The following RANBP2 variants were observed in gnomAD, a reference collection of about 807,000 sequenced individuals.
The protein encoded by RANBP2 is RAN binding protein 2.
Under a neutral mutation model 303.6 loss-of-function variants are expected in RANBP2, and 57 were observed. The ratio of observed to expected loss-of-function variants is 0.19; its 90% CI spans 0.15 to 0.23. The LOEUF is 0.23. Among genes scored for constraint, RANBP2 ranks in the 10% least tolerant of loss-of-function variants. The pLI is 1.00. For synonymous variants in RANBP2, 1,167 were observed against 1,301.5 expected (o/e 0.90, Z 2.23); for missense variants, 3,138 against 3,780.8 (o/e 0.83, Z 4.46).
chr2:109,601,976 G>T, the RANBP2 span, among the ~76,000 whole-genome samples: 1 of 152,130 alleles, frequency 6.6e-6, no homozygotes, highest in Admixed American at 6.5e-5. Context: ...GAAAAACCAG[G>T]ACCCATGAAT....
At chr2:109,610,409 C>T in the RANBP2 span, among the ~76,000 whole-genome samples, 3 of 151,906 alleles carry the variant, frequency 2.0e-5, no homozygotes, top group Non-Finnish European at 4.4e-5. Flanking sequence ...TTTTAATATC[C>T]TCTTCTATTA....
chr2:109,699,750 TC>T, the RANBP2 span, among the ~76,000 whole-genome samples: 1 of 152,162 alleles, frequency 6.6e-6, no homozygotes, highest in African/African-American at 2.4e-5. Flanking sequence ...CCCATATTGT[TC>T]AGGGGTCAAC....
the RANBP2 span, among the ~76,000 whole-genome samples, chr2:109,093,680 ATAC>A: frequency 2.6e-5 from 4 of 152,300 alleles, no homozygotes; most frequent in African/African-American, 9.6e-5. Context: ...AAAAACTGAT[ATAC>A]AAGCTATATG....
the RANBP2 span, among the ~76,000 whole-genome samples, chr2:109,550,671 C>T: frequency 2.0e-5 from 3 of 152,298 alleles, no homozygotes; most frequent in South Asian, 4.1e-4. Context: ...GCTGAGCTAG[C>T]AGATGACTTC....
At chr2:109,168,950 T>C in the RANBP2 span, among the ~76,000 whole-genome samples, 1 of 152,210 alleles carries the variant, frequency 6.6e-6, no homozygotes, top group African/African-American at 2.4e-5. Context: ...TCTCGAGGGC[T>C]CAGTACACAT....
chr2:109,733,043 C>T, the RANBP2 span: 1 of 565,838 alleles, frequency 1.8e-6, no homozygotes, highest in African/African-American at 1.9e-5. Context: ...TCGCAGACCT[C>T]CAAGAAGGAG....
At chr2:109,347,096 T>C in the RANBP2 span, among the ~76,000 whole-genome samples, 1 of 152,212 alleles carries the variant, frequency 6.6e-6, no homozygotes, top group Non-Finnish European at 1.5e-5. Flanking sequence ...GCTGCTCAGC[T>C]TCAACCCCTG....
the RANBP2 span, among the ~76,000 whole-genome samples, chr2:109,516,580 G>T: frequency 6.6e-6 from 1 of 152,198 alleles, no homozygotes; most frequent in Admixed American, 6.5e-5. Context: ...AGGGCGTGCT[G>T]GTCCCACTCC....
At chr2:109,105,576 A>G in the RANBP2 span, among the ~76,000 whole-genome samples, 3 of 152,028 alleles carry the variant, frequency 2.0e-5, no homozygotes, top group African/African-American at 4.8e-5. Flanking sequence ...TCTTTTTAAG[A>G]TGAAGTCTTG....
the RANBP2 span, chr2:109,544,986 A>C: frequency 2.0e-6 from 2 of 985,462 alleles, no homozygotes; most frequent in Non-Finnish European, 2.4e-6. Flanking sequence ...AAAATCTGCC[A>C]AAGTCCTGTG....
the RANBP2 span, among the ~76,000 whole-genome samples, chr2:108,842,664 G>A: frequency 6.6e-6 from 1 of 152,180 alleles, no homozygotes; most frequent in East Asian, 1.9e-4. Context: ...GTGGTCATTA[G>A]GGAGGAGTTG....
the RANBP2 span, among the ~76,000 whole-genome samples, chr2:109,447,368 C>A: frequency 2.0e-5 from 3 of 152,044 alleles, no homozygotes; most frequent in African/African-American, 7.2e-5. Context: ...TCTCACGGTG[C>A]TACTTCCCGT....
chr2:109,332,337 C>T, the RANBP2 span, among the ~76,000 whole-genome samples: 37 of 152,104 alleles, frequency 2.4e-4, no homozygotes, highest in African/African-American at 7.7e-4. Flanking sequence ...CTGAGAGTTG[C>T]GCCCAGGGGT....
At chr2:109,144,953 C>G in the RANBP2 span, among the ~76,000 whole-genome samples, 1 of 152,346 alleles carries the variant, frequency 6.6e-6, no homozygotes, top group South Asian at 2.1e-4. Context: ...CGTTCAGTGC[C>G]GATCTCAGGG....
chr2:108,961,592 T>G, the RANBP2 span, among the ~76,000 whole-genome samples: 1 of 152,162 alleles, frequency 6.6e-6, no homozygotes, highest in Non-Finnish European at 1.5e-5. Context: ...AAACAGACAT[T>G]TACATTAAAA....
At chr2:108,972,130 C>A in the RANBP2 span, among the ~76,000 whole-genome samples, 13 of 152,370 alleles carry the variant, frequency 8.5e-5, no homozygotes, top group African/African-American at 2.9e-4. Context: ...CTCCCTGATT[C>A]CTGACCCTCA....
the RANBP2 span, among the ~76,000 whole-genome samples, chr2:109,381,252 G>A: frequency 2.0e-5 from 3 of 152,228 alleles, no homozygotes; most frequent in African/African-American, 4.8e-5. Flanking sequence ...GCCTGCAGCC[G>A]GTGGAAGTAA....
chr2:108,927,609 C>T, the RANBP2 span, among the ~76,000 whole-genome samples: 4 of 152,128 alleles, frequency 2.6e-5, no homozygotes, highest in African/African-American at 9.7e-5. Flanking sequence ...GTGCACCCAC[C>T]CTCTCCCTGC....
At chr2:108,728,781 G>A (rs1305769513) in intron 1 of RANBP2, among the ~76,000 whole-genome samples, 1 of 152,044 alleles carries the variant, frequency 6.6e-6, no homozygotes, top group African/African-American at 2.4e-5. Context: ...AGTAGCTGGG[G>A]TTACAGGCAC....
Sources: gnomAD v4.1 joint callset for allele counts (sites outside exome capture counted in the v4.1 genomes callset) on GRCh38, gnomAD v4.1.1 for gene constraint, MANE v1.5 for transcripts, NCBI Gene and HGNC (gene_info 2026-07-23, HGNC 2026-07-21) for gene names.